The following DIP2C variants were observed in gnomAD, a reference collection of about 807,000 sequenced individuals.
DIP2C encodes the protein DIP2 acetate--CoA ligase C (putative).
DIP2C carries 33 observed loss-of-function variants against 192.4 expected under a neutral mutation model. The observed-to-expected ratio is 0.17, with a 90% CI of 0.13 to 0.23. The LOEUF (loss-of-function observed/expected upper bound fraction) is 0.23, where lower values mean the gene tolerates loss of function less well. Ranked by LOEUF, DIP2C falls within the 10% of genes least tolerant of loss-of-function variation. The pLI is 1.00. For missense variants in DIP2C, 1,537 were observed against 2,110.1 expected (o/e 0.73, Z 5.32); for synonymous variants, 979 against 864.1 (o/e 1.13, Z -2.33).
rs1678774435 is a variant in DIP2C at position 490,737 on chromosome 10, T to C, written c.86-4207A>G. 3.3e-5 allele frequency among the ~76,000 whole-genome samples: 5 copies of C among 152,242 alleles called. No individual in the cohort carries two copies. In the South Asian group the frequency reaches 1.0e-3, roughly 31 times the overall value. On this transcript the variant is annotated intron_variant, in intron 1 of 36. Coordinates refer to ENST00000280886, the MANE Select transcript of DIP2C (RefSeq NM_014974.3). ...CAGTGAGAAAAATAAGTGATCTCTTTAGAAACATTTTCTACTTCATTAAAA... is the reference window on the plus strand; with the variant it reads ...CAGTGAGAAAAATAAGTGATCTCTTCAGAAACATTTTCTACTTCATTAAAA...
At chr10:465,744 G>A (rs1201517558) in intron 3 of DIP2C, among the ~76,000 whole-genome samples, 10 of 151,376 alleles carry the variant, frequency 6.6e-5, no homozygotes, top group South Asian at 2.1e-4. Flanking sequence ...TACACCAACA[G>A]CAGACAAACA....
At position 414,014 on chromosome 10, in the gene DIP2C, G is replaced by C. The variant is rs1327689764; in HGVS notation, c.956C>G (p.Ser319Trp). Reference protein sequence around the residue: ...QLGVVTNWPPSLEAALQRWGT... With the variant: ...QLGVVTNWPPWLEAALQRWGT... ...CCACCTCTGCAGTGCGGCCTCCAGC[G>C]ACGGCGGCCAGTTCGTGACCACGCC... The change falls in exon 8 of 37, where the codon TCG (serine) becomes TGG (tryptophan). Residue 319 changes from serine to tryptophan, a missense_variant. Coordinates refer to ENST00000280886, the MANE Select transcript of DIP2C (RefSeq NM_014974.3). The C allele has an allele frequency of 6.2e-7, 1 of 1,614,010 alleles. No individual in the cohort carries two copies. The highest frequency in any genetic ancestry group is 8.5e-7 in the Non-Finnish European group (1 of 1,180,016).
At chr10:295,769 G>A (rs997742433) in intron 32 of DIP2C, among the ~76,000 whole-genome samples, 3 of 152,068 alleles carry the variant, frequency 2.0e-5, no homozygotes, top group African/African-American at 7.2e-5. Context: ...ATACCCTTGG[G>A]AGGCCGAGGT....
At chr10:392,205 G>GC (rs1963518782) in intron 10 of DIP2C, among the ~76,000 whole-genome samples, 1 of 152,176 alleles carries the variant, frequency 6.6e-6, no homozygotes. Context: ...CAGGTGAGGG[G>GC]CAGAGGTGGG....
intron 17 of DIP2C, among the ~76,000 whole-genome samples, chr10:373,854 C>T (rs1463003500): frequency 6.6e-6 from 1 of 152,218 alleles, no homozygotes; most frequent in Non-Finnish European, 1.5e-5. Flanking sequence ...TTTCAAGCCC[C>T]ACATTCTCAA....
chr10:551,213 C>T (rs926313785), intron 1 of DIP2C, among the ~76,000 whole-genome samples: 2 of 152,214 alleles, frequency 1.3e-5, no homozygotes, highest in Admixed American at 6.5e-5. Context: ...CTGCCTCAAG[C>T]GCCTCCCTGA....
chr10:435,633 G>C (rs1967117225), intron 4 of DIP2C, among the ~76,000 whole-genome samples: 1 of 152,154 alleles, frequency 6.6e-6, no homozygotes, highest in Non-Finnish European at 1.5e-5. Flanking sequence ...GTGACCTCAT[G>C]TCTCTTGCAG....
chr10:391,943 A>T (rs1963493458), intron 10 of DIP2C, among the ~76,000 whole-genome samples: 3 of 152,166 alleles, frequency 2.0e-5, no homozygotes, highest in Admixed American at 6.5e-5. Flanking sequence ...CTTATTGTAG[A>T]TTTAAATCTA....
At chr10:505,157 C>A (rs1588325315) in intron 1 of DIP2C, among the ~76,000 whole-genome samples, 1 of 152,300 alleles carries the variant, frequency 6.6e-6, no homozygotes, top group East Asian at 1.9e-4. Context: ...GGCAACGGGT[C>A]CAGTCATGTT....
intron 29 of DIP2C, among the ~76,000 whole-genome samples, chr10:337,268 A>C (rs62638889): frequency 2.5e-3 from 28 of 10,992 alleles, no homozygotes; most frequent in Admixed American, 4.4e-3. Flanking sequence ...GCCTAGGCTG[A>C]TGTGTGTGTG....
intron 1 of DIP2C, among the ~76,000 whole-genome samples, chr10:674,465 ATAT>A (rs1479263388): frequency 6.6e-6 from 1 of 152,122 alleles, no homozygotes; most frequent in African/African-American, 2.4e-5. Flanking sequence ...TATAAAGCAA[ATAT>A]TAGTAGATCT....
intron 1 of DIP2C, among the ~76,000 whole-genome samples, chr10:504,878 C>A (rs548433019): frequency 2.0e-5 from 3 of 152,146 alleles, no homozygotes; most frequent in Non-Finnish European, 4.4e-5. Flanking sequence ...GTGCTGACCC[C>A]GTCATACTCA....
chr10:353,414 A>T (rs947904513), intron 24 of DIP2C, among the ~76,000 whole-genome samples: 3 of 152,196 alleles, frequency 2.0e-5, no homozygotes, highest in South Asian at 2.1e-4. Context: ...TTCGAGATAG[A>T]GTCTTGCTCT....
At chr10:424,746 C>G (rs182928044) in intron 4 of DIP2C, among the ~76,000 whole-genome samples, 1 of 152,160 alleles carries the variant, frequency 6.6e-6, no homozygotes, top group African/African-American at 2.4e-5. Flanking sequence ...AAGGTACACA[C>G]CCAGGTGTCC....
intron 4 of DIP2C, among the ~76,000 whole-genome samples, chr10:440,329 C>T (rs1369675433): frequency 6.6e-6 from 1 of 152,230 alleles, no homozygotes; most frequent in Admixed American, 6.5e-5. Context: ...TCACCTATGG[C>T]TGCTTTCACA....
intron 15 of DIP2C, 124 bp from the exon 16 acceptor site, chr10:384,270 CCTTT>C (rs1564643229): frequency 3.9e-5 from 21 of 535,756 alleles, no homozygotes; most frequent in Admixed American, 1.4e-4. Flanking sequence ...CCCCCACAAA[CCTTT>C]TTTTTTTTTT....
intron 22 of DIP2C, among the ~76,000 whole-genome samples, chr10:361,765 C>T (rs567626573): frequency 5.2e-4 from 79 of 152,222 alleles, no homozygotes; most frequent in Non-Finnish European, 8.5e-4. Context: ...CGTCCCGAGG[C>T]GGCAGACAGA....
chr10:579,734 TAC>T (rs1369291349), intron 1 of DIP2C, among the ~76,000 whole-genome samples: 3 of 151,976 alleles, frequency 2.0e-5, no homozygotes, highest in African/African-American at 4.8e-5. Context: ...CAATACAGCA[TAC>T]ATAGGTACAC....
chr10:369,368 A>G, intron 18 of DIP2C, 126 bp downstream of exon 18: 1 of 1,197,514 alleles, frequency 8.4e-7, no homozygotes, highest in South Asian at 1.9e-5. Context: ...GAAGACTGGG[A>G]GTGAGGCTCT....
Sources: allele counts gnomAD v4.1 joint callset (sites outside exome capture counted in the v4.1 genomes callset), GRCh38; gene constraint gnomAD v4.1.1; transcripts MANE v1.5; gene names NCBI Gene and HGNC (gene_info 2026-07-23, HGNC 2026-07-21).